BTF3L4: variants seen among roughly 807,000 people sequenced by gnomAD.
The protein encoded by BTF3L4 is transcription factor BTF3 homolog 4.
Under a neutral mutation model 16.8 loss-of-function variants are expected in BTF3L4, and 6 were observed. The observed-to-expected ratio is 0.36, with a 90% CI of 0.20 to 0.71. The LOEUF is 0.71. BTF3L4 is among the 30% of genes least tolerant of loss of function. The pLI is 0.58. For missense variants in BTF3L4, 92 were observed against 186.9 expected (o/e 0.49, Z 2.96); for synonymous variants, 39 against 59.8 (o/e 0.65, Z 1.60).
chr1:52,060,738 C>A, intron 2 of BTF3L4: 1 of 537,178 alleles, frequency 1.9e-6, no homozygotes, highest in Non-Finnish European at 2.4e-6. Context: ...TGGGGATGAG[C>A]ACAAGGGAAG....
chr1:52,076,324 C>T (rs1169444250), intron 3 of BTF3L4, among the ~76,000 whole-genome samples: 4 of 150,218 alleles, frequency 2.7e-5, no homozygotes, highest in Non-Finnish European at 4.4e-5. Flanking sequence ...ACCTGTAATC[C>T]GAGCACTTTG....
chr1:52,084,677 A>G (rs1483409379), intron 4 of BTF3L4, among the ~76,000 whole-genome samples: 1 of 151,954 alleles, frequency 6.6e-6, no homozygotes, highest in Non-Finnish European at 1.5e-5. Context: ...CTGTAGTCAT[A>G]GCTACTCAGG....
chr1:52,060,550 C>A, intron 2 of BTF3L4: 1 of 1,220,392 alleles, frequency 8.2e-7, no homozygotes, highest in South Asian at 1.4e-5. Context: ...GTCTTTGATT[C>A]TCTTCAGCTG....
chr1:52,079,256 A>G (rs994837543), intron 3 of BTF3L4, among the ~76,000 whole-genome samples: 8 of 151,820 alleles, frequency 5.3e-5, no homozygotes, highest in Non-Finnish European at 7.4e-5. Flanking sequence ...GGTGGCACAC[A>G]CCTGTAATCC....
rs1275044594 is a variant in BTF3L4, at chr1:52,083,366, A to G, written c.195A>G (p.Thr65=). 4 of 1,613,142 alleles carry G rather than the reference A, an allele frequency of 2.5e-6. No individual in the cohort carries two copies. The South Asian group carries it at 4.4e-5, about 18-fold the overall frequency. ...TGAACATGATTAAAGATGATGGGACAGTTATTCATTTCAACAATCCCAAAG... is the reference window on the plus strand; with the variant it reads ...TGAACATGATTAAAGATGATGGGACGGTTATTCATTTCAACAATCCCAAAG... The part of the protein sequence containing the change: ...EEVNMIKDDG[T]VIHFNNPKVQ... Residue 65 remains threonine, a synonymous_variant, in exon 4 of 6, where the codon ACA becomes ACG. Coordinates refer to ENST00000313334, the MANE Select transcript of BTF3L4 (RefSeq NM_152265.5).
At chr1:52,072,931 G>T (rs755421978) in intron 3 of BTF3L4, among the ~76,000 whole-genome samples, 3 of 152,166 alleles carry the variant, frequency 2.0e-5, no homozygotes, top group Non-Finnish European at 4.4e-5. Context: ...GGTGGCGTGC[G>T]CCTGTAATCC....
At chr1:52,065,076 G>T in intron 3 of BTF3L4, 138 bp downstream of exon 3, 1 of 428,640 alleles carries the variant, frequency 2.3e-6, no homozygotes. Flanking sequence ...GTGGCACTTT[G>T]ATTTTTGTAT....
chr1:52,075,140 C>G lies in BTF3L4; in HGVS notation c.169-8200C>G, dbSNP rs1378975877. 2.6e-5 allele frequency among the ~76,000 whole-genome samples: 4 copies of G among 152,028 alleles called. No individual in the cohort carries two copies. In the East Asian group the frequency reaches 7.7e-4, roughly 29 times the overall value. On this transcript the variant is annotated intron_variant, in intron 3 of 5. Transcript: ENST00000313334. ...ACTCCTTTTAATCATGTGTAGGTAT[C>G]TACATACATTCCAGTATATGGATAT...
At chr1:52,086,221 C>T in intron 5 of BTF3L4, 50 bp downstream of exon 5, 2 of 1,388,868 alleles carry the variant, frequency 1.4e-6, no homozygotes, top group Non-Finnish European at 2.0e-6. Flanking sequence ...TGTTTATCTC[C>T]TTTCAGTCAT....
chr1:52,064,374 C>A (rs1285069365), intron 2 of BTF3L4, among the ~76,000 whole-genome samples: 1 of 151,896 alleles, frequency 6.6e-6, no homozygotes, highest in Non-Finnish European at 1.5e-5. Flanking sequence ...GATTTTTTTC[C>A]TCCTACTGTA....
chr1:52,085,128 A>G (rs896802664), intron 4 of BTF3L4, among the ~76,000 whole-genome samples: 10 of 137,852 alleles, frequency 7.3e-5, no homozygotes, highest in African/African-American at 2.7e-4. Flanking sequence ...ACAAGCAATT[A>G]TCTGCCTCAG....
chr1:52,072,034 T>TG (rs1686803275), intron 3 of BTF3L4, among the ~76,000 whole-genome samples: 1 of 151,132 alleles, frequency 6.6e-6, no homozygotes, highest in African/African-American at 2.4e-5. Context: ...TTTTTTGTTT[T>TG]TTTTTTTTGG....
At chr1:52,079,867 CTTTTCTTTTTT>C (rs1269932702) in intron 3 of BTF3L4, among the ~76,000 whole-genome samples, 7 of 28,124 alleles carry the variant, frequency 2.5e-4, no homozygotes, top group African/African-American at 3.4e-4. Flanking sequence ...TTTTTCTTTT[CTTTTCTTTTTT>C]TTTTTTTTTT....
intron 3 of BTF3L4, among the ~76,000 whole-genome samples, chr1:52,072,204 G>T (rs537439243): frequency 6.6e-6 from 1 of 151,542 alleles, no homozygotes; most frequent in Non-Finnish European, 1.5e-5. Context: ...ACAGGCGCCC[G>T]CCACCACGCC....
intron 4 of BTF3L4, 89 bp from the exon 5 acceptor site, chr1:52,086,023 G>C: frequency 2.5e-6 from 2 of 806,334 alleles, no homozygotes; most frequent in Non-Finnish European, 3.8e-6. Context: ...AACTCTGTGT[G>C]ATTTATACAG....
chr1:52,067,661 A>G (rs77822350), intron 3 of BTF3L4, among the ~76,000 whole-genome samples: 98 of 152,348 alleles, frequency 6.4e-4, no homozygotes, highest in African/African-American at 2.1e-3. Flanking sequence ...GTAAAAATGA[A>G]TAAGTTGCAA....
rs553716574 is a variant in BTF3L4, at chr1:52,076,530, G to A, written c.169-6810G>A. Among the ~76,000 whole-genome samples, 164 of 150,218 alleles carry A rather than the reference G, an allele frequency of 1.1e-3. 2 individuals are homozygous for A. In the South Asian group the frequency reaches 0.033, roughly 30 times the overall value. The stretch of plus-strand genomic sequence containing the variant: ...AGGCGGAGGTCGCAGTGAGCCGGAG[G>A]TTGCAGTGAGCCGAGATCGCACCAC... On this transcript the variant is annotated intron_variant, in intron 3 of 5. Coordinates refer to ENST00000313334, the MANE Select transcript of BTF3L4 (RefSeq NM_152265.5).
At chr1:52,073,484 T>C (rs1441179158) in intron 3 of BTF3L4, among the ~76,000 whole-genome samples, 4 of 113,820 alleles carry the variant, frequency 3.5e-5, no homozygotes, top group African/African-American at 1.0e-4. Flanking sequence ...GCACTATATA[T>C]ATGCTACATA....
intron 3 of BTF3L4, chr1:52,071,160 T>G (rs1489851182): frequency 6.6e-6 from 1 of 152,188 alleles, no homozygotes; most frequent in African/African-American, 2.4e-5. Context: ...AAACAACAGA[T>G]TTTTTCCAGT....
Sources: allele counts gnomAD v4.1 joint callset (sites outside exome capture counted in the v4.1 genomes callset), GRCh38; gene constraint gnomAD v4.1.1; transcripts MANE v1.5; gene names NCBI Gene and HGNC (gene_info 2026-07-23, HGNC 2026-07-21).